DGCR8: variants seen among roughly 807,000 people sequenced by gnomAD.
The protein encoded by DGCR8 is microprocessor complex subunit DGCR8.
A neutral mutation model predicts 78.5 loss-of-function variants in DGCR8; 14 were observed. The observed-to-expected ratio is 0.18, with a 90% CI of 0.12 to 0.28. The LOEUF (loss-of-function observed/expected upper bound fraction) is 0.28. Ranked by LOEUF, DGCR8 falls within the 10% of genes least tolerant of loss-of-function variation. DGCR8 has a pLI of 1.00. For synonymous variants in DGCR8, 399 were observed against 402.4 expected (o/e 0.99, Z 0.10); for missense variants, 702 against 1,022.5 (o/e 0.69, Z 4.28).
intron 13 of DGCR8, 69 bp downstream of exon 13, chr22:20,109,072 A>G: frequency 1.2e-6 from 1 of 824,356 alleles, no homozygotes; most frequent in South Asian, 1.3e-5. Flanking sequence ...GAGGGACAGC[A>G]GACCCCAGGA....
intron 9 of DGCR8, among the ~76,000 whole-genome samples, chr22:20,103,016 C>G (rs1373161285): frequency 6.6e-6 from 1 of 152,056 alleles, no homozygotes; most frequent in Non-Finnish European, 1.5e-5. Context: ...CATGTAATCC[C>G]AGCTACTCAG....
intron 8 of DGCR8, 93 bp from the exon 9 acceptor site, chr22:20,094,619 TG>T: frequency 8.8e-7 from 1 of 1,135,722 alleles, no homozygotes; most frequent in Non-Finnish European, 1.3e-6. Flanking sequence ...CTCTGAGCTG[TG>T]GGGATGGGAG....
chr22:20,087,226 G>A lies in DGCR8; in HGVS notation c.785G>A (p.Arg262Gln). The A allele has an allele frequency of 1.2e-6, 2 of 1,614,082 alleles. No homozygotes were observed. The highest frequency in any genetic ancestry group is 2.2e-5 in the South Asian group (2 of 91,072). ...EEGLCAPKKR[R>Q]TEEKYGGDSD... ...GGCCTTTGTGCCCCCAAAAAGAGGC[G>A]AACAGAGGAAAAATATGGCGGAGAC... The change falls in exon 3 of 14, where the codon CGA (arginine) becomes CAA (glutamine). Residue 262 changes from arginine to glutamine, a missense_variant. By Grantham distance (43) the Arg-to-Gln change is conservative. Transcript: ENST00000351989. This position sits in a 1 kb window ranked among gnomAD's most constrained non-coding sequence, Gnocchi z 4.1.
In DGCR8 at chr22:20,106,572, T is replaced by C. The variant is rs2049772337; in HGVS notation, c.1890-20T>C. 6.3e-7 allele frequency: 1 copy of C among 1,579,410 alleles called. No homozygotes were observed. The highest frequency in any genetic ancestry group is 8.7e-7 in the Non-Finnish European group (1 of 1,148,408). On this transcript the variant is annotated intron_variant, in intron 10 of 13. Coordinates refer to ENST00000351989, the MANE Select transcript of DGCR8 (RefSeq NM_022720.7). ...TGCTCTGCTCAGGGGACGCCATCTG[T>C]TGTCTGTTTTCTCTTAAAGAAACCA...
chr22:20,085,850 A>G lies in DGCR8; in HGVS notation c.-114A>G, dbSNP rs754461746. 3.4e-6 allele frequency: 5 copies of G among 1,491,700 alleles called. No individual in the cohort carries two copies. The East Asian group carries it at 9.2e-5, about 27-fold the overall frequency. The allele number at this position is 1,491,700 out of a possible 1,614,324, so 92.4% of individuals were successfully genotyped here. ...GCCAGCTTGACTAAGCCGCCAGCGCACAGCGCGGCAGGACGCGCCCGGGTC... is the reference window on the plus strand; with the variant it reads ...GCCAGCTTGACTAAGCCGCCAGCGCGCAGCGCGGCAGGACGCGCCCGGGTC... On this transcript the variant is annotated 5_prime_UTR_variant, in exon 2 of 14. Transcript: ENST00000351989. This position sits in a 1 kb window ranked among gnomAD's most constrained non-coding sequence, Gnocchi z 6.2.
chr22:20,088,171 GT>G lies in DGCR8; in HGVS notation c.880+851del, dbSNP rs2049511560. 3.3e-5 allele frequency among the ~76,000 whole-genome samples: 5 copies of G among 152,302 alleles called. No individual in the cohort carries two copies. The South Asian group carries it at 1.0e-3, about 32-fold the overall frequency. ...TGAGGGGACAAGTTAGCTATGCCAG[GT>G]GCCACATGTTGCTGCCTATGTCGTG... On this transcript the variant is annotated intron_variant, in intron 3 of 13. Coordinates refer to ENST00000351989, the MANE Select transcript of DGCR8 (RefSeq NM_022720.7).
chr22:20,092,306 C>T (rs2049575039), intron 7 of DGCR8, among the ~76,000 whole-genome samples: 2 of 152,188 alleles, frequency 1.3e-5, no homozygotes, highest in Non-Finnish European at 2.9e-5. Context: ...CCCTGGTCTC[C>T]TGGTGCCCCT....
At chr22:20,098,540 T>C (rs988572722) in intron 9 of DGCR8, among the ~76,000 whole-genome samples, 2 of 152,246 alleles carry the variant, frequency 1.3e-5, no homozygotes, top group African/African-American at 4.8e-5. Context: ...CTTAAGTTTA[T>C]AGTTTTTGTC....
At position 20,087,681 on chromosome 22, in the gene DGCR8, G is replaced by T. The variant is rs1459431931; in HGVS notation, c.880+360G>T. Among the ~76,000 whole-genome samples, 1 of 152,168 alleles carries T rather than the reference G, an allele frequency of 6.6e-6. No individual in the cohort carries two copies. Among genetic ancestry groups the T allele is most frequent in the Non-Finnish European group, 1.5e-5 (1 of 68,026 alleles). ...GGCAAGGTGGGTACACAGTGAGATG[G>T]CAGGTGATAGTTGTGATCCAGGTTC... On this transcript the variant is annotated intron_variant, in intron 3 of 13. Coordinates refer to ENST00000351989, the MANE Select transcript of DGCR8 (RefSeq NM_022720.7). This position sits in a 1 kb window ranked among gnomAD's most constrained non-coding sequence, Gnocchi z 4.1.
chr22:20,080,612 G>C lies in DGCR8; in HGVS notation c.-278+229G>C, dbSNP rs1439574801. On this transcript the variant is annotated intron_variant, in intron 1 of 13. Coordinates refer to ENST00000351989, the MANE Select transcript of DGCR8 (RefSeq NM_022720.7). Reference sequence around the variant, plus strand: ...CCGGGCCCAGGCGTTGCCGACTCTCGTCGCTGTCCGCCCGGGTAAAGAGGC... The same window carrying C: ...CCGGGCCCAGGCGTTGCCGACTCTCCTCGCTGTCCGCCCGGGTAAAGAGGC... 1.5e-5 allele frequency: 7 copies of C among 460,454 alleles called. No homozygotes were observed. The East Asian group carries it at 6.1e-4, about 40-fold the overall frequency. 28.5% of individuals were successfully genotyped at this position (460,454 alleles called of 1,614,324 possible). A position where few individuals can be genotyped will look rare whatever the true frequency, so the allele number is the denominator to read the frequency against.
intron 1 of DGCR8, among the ~76,000 whole-genome samples, chr22:20,084,408 G>T (rs1460151297): frequency 6.6e-6 from 1 of 152,214 alleles, no homozygotes; most frequent in Non-Finnish European, 1.5e-5. Flanking sequence ...CTGCTCTGAT[G>T]CAGGGTTTTC....
Position 20,086,297 on chromosome 22 carries a change from C to G in DGCR8, c.334C>G (p.Leu112Val). 1.9e-6 allele frequency: 3 copies of G among 1,614,164 alleles called. No individual in the cohort carries two copies. Among genetic ancestry groups the G allele is most frequent in the Non-Finnish European group, 2.5e-6 (3 of 1,180,028 alleles). The change falls in exon 2 of 14, where the codon CTT becomes GTT. Residue 112 changes from leucine (L) to valine (V), a missense_variant. By Grantham distance (32) the Leu-to-Val change is conservative. Around this residue, in one of 4 missense-constraint regions of DGCR8, gnomAD observed 356 missense variants for 448.9 expected, o/e 0.79. Coordinates refer to ENST00000351989, the MANE Select transcript of DGCR8 (RefSeq NM_022720.7). The surrounding 1 kb of genome is among the most constrained non-coding windows in gnomAD (Gnocchi z 6.4). ...APAVRKFSPD[L>V]KLLKDVKISV... ...TGCGGTCCGGAAGTTCTCCCCTGACCTTAAGTTGCTTAAGGATGTAAAGAT... is the reference window on the plus strand; with the variant it reads ...TGCGGTCCGGAAGTTCTCCCCTGACGTTAAGTTGCTTAAGGATGTAAAGAT...
chr22:20,095,311 G>A (rs564892766), intron 9 of DGCR8, among the ~76,000 whole-genome samples: 1 of 152,190 alleles, frequency 6.6e-6, no homozygotes, highest in East Asian at 1.9e-4. Context: ...TCACCATGTT[G>A]GCCAGGCTGG....
chr22:20,091,756 G>T (rs2049565029), intron 6 of DGCR8, 113 bp from the exon 7 acceptor site: 6 of 1,483,552 alleles, frequency 4.0e-6, no homozygotes, highest in Non-Finnish European at 5.6e-6. Context: ...ATGAATGCAG[G>T]GGTCTGCCAC....
intron 9 of DGCR8, among the ~76,000 whole-genome samples, chr22:20,103,520 G>T (rs1235546203): frequency 1.3e-5 from 2 of 151,958 alleles, no homozygotes; most frequent in Non-Finnish European, 2.9e-5. Flanking sequence ...TAATTACGTT[G>T]TTTTTTTAAA....
At chr22:20,091,363 G>T in intron 5 of DGCR8, 72 bp from the exon 6 acceptor site, 9 of 1,490,960 alleles carry the variant, frequency 6.0e-6, no homozygotes, top group Non-Finnish European at 7.5e-6. Context: ...CCTGCCCCAT[G>T]CACTGGGCTG....
Position 20,107,283 on chromosome 22 carries a change from G to A in DGCR8, c.2009G>A (p.Arg670Lys), listed in dbSNP as rs1234973935. 2 of 1,614,208 alleles carry A rather than the reference G, an allele frequency of 1.2e-6. No homozygotes were observed. The highest frequency in any genetic ancestry group is 8.5e-7 in the Non-Finnish European group (1 of 1,180,026). The change falls in exon 12 of 14, where the codon AGA (arginine) becomes AAA (lysine). Residue 670 changes from arginine to lysine, a missense_variant. Arg to Lys is a conservative substitution (Grantham distance 26, BLOSUM62 2). Coordinates refer to ENST00000351989, the MANE Select transcript of DGCR8 (RefSeq NM_022720.7). ...TTTCTCTGTGTAGGTAAGAACAAGA[G>A]AGTTGGAAAGCAGTTAGCCTCACAG... ...HTVRGWCKNK[R>K]VGKQLASQKI...
chr22:20,103,308 A>T (rs1344777361), intron 9 of DGCR8, among the ~76,000 whole-genome samples: 1 of 152,074 alleles, frequency 6.6e-6, no homozygotes, highest in African/African-American at 2.4e-5. Flanking sequence ...GGCAGTTTTC[A>T]TCACACAGGC....
Position 20,090,104 on chromosome 22 carries a change from A to C in DGCR8, c.1152A>C (p.Arg384=), listed in dbSNP as rs1312422281. The change falls in exon 5 of 14, where the codon CGA becomes CGC. Residue 384 remains arginine (R), a synonymous_variant. Transcript: ENST00000351989. ...TGTCCCCCGTCAAGCCCCTGAGCCG[A>C]TCTGCAGAGCTGGAGTTTCCCCTGG... ...GDVSPVKPLS[R]SAELEFPLDE... 2 of 1,614,172 alleles carry C rather than the reference A, an allele frequency of 1.2e-6. No homozygotes were observed.
Sources: gnomAD v4.1 joint callset for allele counts (sites outside exome capture counted in the v4.1 genomes callset) on GRCh38, gnomAD v4.1.1 for gene constraint, gnomAD v4.1.1 regional missense constraint, Gnocchi (gnomAD v3.1) non-coding constraint, MANE v1.5 for transcripts, NCBI Gene and HGNC (gene_info 2026-07-23, HGNC 2026-07-21) for gene names.